The following NSUN6 variants were observed in gnomAD, a reference collection of about 807,000 sequenced individuals.
NSUN6 encodes the protein NOP2/Sun RNA methyltransferase 6.
Under a neutral mutation model 58.0 loss-of-function variants are expected in NSUN6, and 64 were observed. The observed-to-expected ratio is 1.10, with a 90% CI of 0.90 to 1.36. The LOEUF (loss-of-function observed/expected upper bound fraction) is 1.36. Ranked by LOEUF, NSUN6 falls within the 40% of genes most tolerant of loss-of-function variation. The pLI, the probability that NSUN6 is intolerant of heterozygous loss-of-function variation, is 0.00. For synonymous variants in NSUN6, 231 were observed against 193.9 expected (o/e 1.19, Z -1.59); for missense variants, 701 against 550.1 (o/e 1.27, Z -2.74).
chr10:18,609,525 T>C (rs1267354177), intron 6 of NSUN6, among the ~76,000 whole-genome samples: 3 of 152,154 alleles, frequency 2.0e-5, no homozygotes, highest in East Asian at 3.9e-4. Context: ...AATGATTTAC[T>C]AATGGAACAC....
intron 2 of NSUN6, among the ~76,000 whole-genome samples, chr10:18,646,547 A>G (rs904727527): frequency 3.3e-5 from 5 of 151,232 alleles, no homozygotes; most frequent in Admixed American, 2.6e-4. Context: ...TTTGTTGTGG[A>G]AAAAAAAAAT....
At chr10:18,628,353 C>T (rs1300004338) in intron 3 of NSUN6, among the ~76,000 whole-genome samples, 1 of 152,170 alleles carries the variant, frequency 6.6e-6, no homozygotes, top group East Asian at 1.9e-4. Flanking sequence ...AGCACCTCTC[C>T]TCCTCCAAAG....
At chr10:18,621,331 C>T (rs1188677146) in intron 3 of NSUN6, among the ~76,000 whole-genome samples, 2 of 152,136 alleles carry the variant, frequency 1.3e-5, no homozygotes, top group East Asian at 3.9e-4. Context: ...GCTGATTGTG[C>T]TTCATATTCT....
chr10:18,567,309 C>T (rs1290259111), intron 8 of NSUN6, among the ~76,000 whole-genome samples: 3 of 151,314 alleles, frequency 2.0e-5, no homozygotes, highest in Non-Finnish European at 3.0e-5. Context: ...ATCCTCCATT[C>T]CATTCTATTC....
intron 8 of NSUN6, among the ~76,000 whole-genome samples, chr10:18,585,607 C>T (rs1564760918): frequency 6.6e-6 from 1 of 152,130 alleles, no homozygotes; most frequent in Non-Finnish European, 1.5e-5. Flanking sequence ...CTAAAAAAGT[C>T]AAACTCATAG....
Position 18,591,830 on chromosome 10 carries a change from C to G in NSUN6, c.777+4378G>C, listed in dbSNP as rs151136822. The stretch of plus-strand genomic sequence containing the variant: ...CATGAGACAAGGATGCCCCCTCTCA[C>G]CACTCCTATTCAACATAGTATTGGA... On this transcript the variant is annotated intron_variant, in intron 7 of 10. Coordinates refer to ENST00000377304, the MANE Select transcript of NSUN6 (RefSeq NM_182543.5). Among the ~76,000 whole-genome samples the G allele has an allele frequency of 7.0e-4, 107 of 152,240 alleles. 2 individuals carry two copies. The East Asian group carries it at 0.017, about 25-fold the overall frequency.
intron 7 of NSUN6, among the ~76,000 whole-genome samples, chr10:18,588,077 G>A (rs1041799314): frequency 6.6e-6 from 1 of 152,164 alleles, no homozygotes; most frequent in Non-Finnish European, 1.5e-5. Flanking sequence ...TGGGATGACC[G>A]AGCTTGGTGG....
chr10:18,652,922 AC>A, upstream of NSUN6: 1 of 984,704 alleles, frequency 1.0e-6, no homozygotes, highest in Non-Finnish European at 1.2e-6. Context: ...CCATGTTCTC[AC>A]AAATAAAAAG....
intron 10 of NSUN6, among the ~76,000 whole-genome samples, chr10:18,547,273 G>A (rs545735260): frequency 3.4e-4 from 52 of 152,236 alleles, no homozygotes; most frequent in African/African-American, 4.1e-4. Flanking sequence ...AAAACAGATC[G>A]TTTATTATCC....
intron 3 of NSUN6, among the ~76,000 whole-genome samples, chr10:18,637,211 C>A (rs577367346): frequency 9.9e-5 from 15 of 152,084 alleles, no homozygotes; most frequent in African/African-American, 2.4e-4. Flanking sequence ...GATCCACCCC[C>A]CTGGGCCTCC....
chr10:18,575,219 C>A (rs2056590725), intron 8 of NSUN6, among the ~76,000 whole-genome samples: 1 of 152,068 alleles, frequency 6.6e-6, no homozygotes, highest in Non-Finnish European at 1.5e-5. Context: ...AATTTATACC[C>A]TGGCCAAACA....
At chr10:18,627,769 T>C (rs964059049) in intron 3 of NSUN6, among the ~76,000 whole-genome samples, 1 of 151,664 alleles carries the variant, frequency 6.6e-6, no homozygotes, top group Non-Finnish European at 1.5e-5. Flanking sequence ...GCCCACGGAG[T>C]CTCGCTGATT....
chr10:18,589,761 C>T (rs1453203497), intron 7 of NSUN6, among the ~76,000 whole-genome samples: 1 of 151,814 alleles, frequency 6.6e-6, no homozygotes. Context: ...AAAGGAAGCA[C>T]TAAATATGGA....
upstream of NSUN6, among the ~76,000 whole-genome samples, chr10:18,657,030 G>T (rs1225904814): frequency 6.6e-6 from 1 of 151,988 alleles, no homozygotes; most frequent in Non-Finnish European, 1.5e-5. Flanking sequence ...ATTTCTCCAT[G>T]TTGTCTGGGT....
At chr10:18,613,437 AC>A in intron 5 of NSUN6, among the ~76,000 whole-genome samples, 1 of 152,134 alleles carries the variant, frequency 6.6e-6, no homozygotes. Context: ...ACTTCCACCA[AC>A]AAAAAATTAT....
Position 18,616,234 on chromosome 10 carries a change from A to C in NSUN6, c.371T>G (p.Val124Gly). ...GGCATAGACATGGGCTCCTCTTAAA[A>C]CTGCATTGCCACACTGGGCTCCAAC... is the stretch of plus-strand genomic sequence containing the variant. ...AIVGAQCGNA[V>G]LRGAHVYAPG... Residue 124 changes from valine (V) to glycine (G), a missense_variant, in exon 4 of 11, where the codon GTT becomes GGT. Val to Gly is a moderately radical substitution (Grantham distance 109). Coordinates refer to ENST00000377304, the MANE Select transcript of NSUN6 (RefSeq NM_182543.5). The C allele has an allele frequency of 6.2e-7, 1 of 1,611,210 alleles. No individual in the cohort carries two copies. Among genetic ancestry groups the C allele is most frequent in the Non-Finnish European group, 8.5e-7 (1 of 1,177,408 alleles).
intron 6 of NSUN6, among the ~76,000 whole-genome samples, chr10:18,600,362 T>C (rs1053265240): frequency 6.6e-6 from 1 of 152,212 alleles, no homozygotes; most frequent in African/African-American, 2.4e-5. Context: ...TGGTGGCTCA[T>C]GCCTGTAATC....
chr10:18,616,014 A>G (rs2058396157), intron 4 of NSUN6, among the ~76,000 whole-genome samples, 170 bp downstream of exon 4: 1 of 152,126 alleles, frequency 6.6e-6, no homozygotes. Context: ...ACCTTATATG[A>G]TGACTAGTTT....
At chr10:18,609,769 A>C (rs1314923678) in intron 6 of NSUN6, 76 bp downstream of exon 6, 2 of 868,028 alleles carry the variant, frequency 2.3e-6, no homozygotes, top group Non-Finnish European at 3.7e-6. Context: ...TTAAATTTTA[A>C]AATATCCTAG....
Sources: gnomAD v4.1 joint callset for allele counts (sites outside exome capture counted in the v4.1 genomes callset) on GRCh38, gnomAD v4.1.1 for gene constraint, MANE v1.5 for transcripts, NCBI Gene and HGNC (gene_info 2026-07-23, HGNC 2026-07-21) for gene names.